NEU3: variants seen among roughly 807,000 people sequenced by gnomAD.
NEU3 encodes neuraminidase 3, also known as sialidase-3.
A neutral mutation model predicts 11.4 loss-of-function variants in NEU3; 10 were observed. The observed-to-expected ratio is 0.88, with a 90% CI of 0.54 to 1.49. NEU3 has a LOEUF of 1.49. Ranked by LOEUF, NEU3 falls within the 40% of genes most tolerant of loss-of-function variation. NEU3 has a pLI of 0.00. For missense variants in NEU3, 529 were observed against 581.8 expected (o/e 0.91, Z 0.93); for synonymous variants, 212 against 228.2 (o/e 0.93, Z 0.64).
chr11:74,994,672 T>A lies in NEU3; in HGVS notation c.258T>A (p.Ala86=). The change falls in exon 2 of 3, where the codon GCT becomes GCA. Residue 86 remains alanine (A), a synonymous_variant. Transcript: ENST00000294064. ...GTTCTACGAGGAGAGATGAGGATGC[T>A]CTCCACCTGGTGCTGAGGCGAGGGT... ...EKRSTRRDED[A]LHLVLRRGLR... 1 of 1,613,948 alleles carries A rather than the reference T, an allele frequency of 6.2e-7. No homozygotes were observed. Among genetic ancestry groups the A allele is most frequent in the South Asian group, 1.1e-5 (1 of 91,072 alleles).
chr11:74,995,845 T>C (rs1437760164), intron 2 of NEU3, among the ~76,000 whole-genome samples: 2 of 151,844 alleles, frequency 1.3e-5, no homozygotes, highest in Middle Eastern at 3.2e-3. Context: ...CTTACTTACA[T>C]AGATAATTTC....
chr11:74,983,643 T>G (rs1198978941), upstream of NEU3, among the ~76,000 whole-genome samples: 3 of 152,232 alleles, frequency 2.0e-5, no homozygotes, highest in Non-Finnish European at 4.4e-5. Flanking sequence ...CTATTGGAAA[T>G]GTTGATAAGG....
At chr11:75,018,196 C>T (rs1948988965) in intron 3 of NEU3, among the ~76,000 whole-genome samples, 2 of 151,932 alleles carry the variant, frequency 1.3e-5, no homozygotes, top group Admixed American at 1.3e-4. Context: ...TTGAGAGGAT[C>T]TAGAATGCAT....
At position 75,006,388 on chromosome 11, in the gene NEU3, G is replaced by A. The variant is rs188848747; in HGVS notation, c.1282G>A (p.Glu428Lys). The change falls in exon 3 of 3, where the codon GAG becomes AAG. Residue 428 changes from glutamate (E) to lysine (K), a missense_variant. By Grantham distance (56) the Glu-to-Lys change is moderately conservative. Transcript: ENST00000294064. ...TGAATGTGGGACCAAGCAAGAGTGT[G>A]AGCAGATTGCCTTCCGCCTGTTTAC... ...LFECGTKQEC[E>K]QIAFRLFTHR... is the part of the protein sequence containing the mutation. 5.8e-4 allele frequency: 933 copies of A among 1,613,976 alleles called. 15 individuals are homozygous for A. The Admixed American group carries it at 0.015, about 25-fold the overall frequency.
At chr11:75,014,168 C>G (rs1257526486), downstream of NEU3, among the ~76,000 whole-genome samples, 1 of 152,154 alleles carries the variant, frequency 6.6e-6, no homozygotes, top group African/African-American at 2.4e-5. Flanking sequence ...CAGATGGCTT[C>G]CAAGACTCAG....
chr11:75,017,481 C>G (rs1383999139), intron 3 of NEU3, among the ~76,000 whole-genome samples: 1 of 152,196 alleles, frequency 6.6e-6, no homozygotes, highest in East Asian at 1.9e-4. Context: ...AAGAGTGGAG[C>G]TCCCAGCCCT....
chr11:74,997,719 C>T (rs762232210), intron 2 of NEU3, among the ~76,000 whole-genome samples: 2 of 149,316 alleles, frequency 1.3e-5, no homozygotes, highest in African/African-American at 2.5e-5. Flanking sequence ...AAAAATTAGC[C>T]GGGCATGGTG....
upstream of NEU3, among the ~76,000 whole-genome samples, chr11:74,983,690 A>G (rs1256468264): frequency 6.6e-6 from 1 of 152,232 alleles, no homozygotes; most frequent in Non-Finnish European, 1.5e-5. Context: ...CATCAGTGAC[A>G]CCACCTCAGC....
At chr11:74,985,159 C>G (rs571231781), upstream of NEU3, among the ~76,000 whole-genome samples, 1 of 152,228 alleles carries the variant, frequency 6.6e-6, no homozygotes, top group Admixed American at 6.5e-5. Flanking sequence ...TGATTGTGAA[C>G]TTGGAGAAGT....
intron 2 of NEU3, among the ~76,000 whole-genome samples, chr11:74,998,646 T>C (rs563372778): frequency 1.3e-5 from 2 of 152,366 alleles, no homozygotes; most frequent in African/African-American, 4.8e-5. Flanking sequence ...CTTCTGCTGT[T>C]AAAGTACACA....
chr11:75,014,682 G>C (rs529151577), downstream of NEU3, among the ~76,000 whole-genome samples: 3 of 151,970 alleles, frequency 2.0e-5, no homozygotes, highest in Non-Finnish European at 4.4e-5. Flanking sequence ...TGGGCAACAT[G>C]GTGAAACCCT....
chr11:74,986,892 G>T (rs1161724489), upstream of NEU3, among the ~76,000 whole-genome samples: 2 of 151,886 alleles, frequency 1.3e-5, no homozygotes, highest in African/African-American at 4.8e-5. Flanking sequence ...TTATCTCCTG[G>T]TATAGGGTCT....
chr11:75,001,159 G>A (rs1217899929), intron 2 of NEU3, among the ~76,000 whole-genome samples: 2 of 152,012 alleles, frequency 1.3e-5, no homozygotes, highest in Non-Finnish European at 2.9e-5. Flanking sequence ...TGTCCAAATA[G>A]TTGTCAGGGT....
intron 3 of NEU3, among the ~76,000 whole-genome samples, chr11:75,016,487 G>T (rs1948982033): frequency 6.6e-6 from 1 of 152,136 alleles, no homozygotes; most frequent in South Asian, 2.1e-4. Flanking sequence ...ATGCATTTTG[G>T]GTTAACACCA....
downstream of NEU3, among the ~76,000 whole-genome samples, chr11:75,011,933 C>G (rs1022756608): frequency 1.3e-5 from 2 of 152,042 alleles, no homozygotes; most frequent in Non-Finnish European, 2.9e-5. Flanking sequence ...TTGGGTGTTA[C>G]AGCTACCTTG....
chr11:74,998,479 A>G (rs1001953201), intron 2 of NEU3, among the ~76,000 whole-genome samples: 1 of 152,178 alleles, frequency 6.6e-6, no homozygotes, highest in Non-Finnish European at 1.5e-5. Flanking sequence ...AAATGAGACA[A>G]TGGTTTTGAG....
At chr11:75,000,774 C>CT (rs1378811114) in intron 2 of NEU3, among the ~76,000 whole-genome samples, 23 of 84,246 alleles carry the variant, frequency 2.7e-4, no homozygotes, top group South Asian at 7.7e-4. Flanking sequence ...CCATACCCAG[C>CT]TAATTTATTT....
At chr11:74,987,994 T>G (rs1480314132), upstream of NEU3, 1 of 150,280 alleles carries the variant, frequency 6.7e-6, no homozygotes, top group African/African-American at 2.5e-5. Flanking sequence ...GTGAGTTCTT[T>G]CCTTGTGGCA....
chr11:74,989,918 C>A, intron 1 of NEU3: 1 of 697,074 alleles, frequency 1.4e-6, no homozygotes, highest in Non-Finnish European at 2.6e-6. Context: ...CTTAAATGAA[C>A]CCCAGAGCAG....
Sources: gnomAD v4.1 joint callset for allele counts (sites outside exome capture counted in the v4.1 genomes callset) on GRCh38, gnomAD v4.1.1 for gene constraint, MANE v1.5 for transcripts, NCBI Gene and HGNC (gene_info 2026-07-23, HGNC 2026-07-21) for gene names.